Variants in CHAF1B observed in about 807,000 individuals in gnomAD.
CHAF1B encodes CAF-1 subunit B.
CHAF1B carries 10 observed loss-of-function variants against 60.7 expected under a neutral mutation model. That is an observed-to-expected ratio of 0.16 (90% CI 0.10 to 0.28). The LOEUF (loss-of-function observed/expected upper bound fraction) is 0.28. CHAF1B is among the 10% of genes least tolerant of loss of function. The pLI is 1.00. For missense variants in CHAF1B, 558 were observed against 708.4 expected, an observed-to-expected ratio of 0.79 and a Z score of 2.41; for synonymous variants, 261 against 266.1, an observed-to-expected ratio of 0.98 and a Z score of 0.19.
At position 36,418,772 on chromosome 21, in the gene CHAF1B, C is replaced by T. The variant is rs2086335497; in HGVS notation, c.*2406C>T. The T allele has an allele frequency of 6.6e-6, 1 of 151,704 alleles. No individual in the cohort carries two copies. Among genetic ancestry groups the T allele is most frequent in the South Asian group, 2.1e-4 (1 of 4,784 alleles). 9.4% of individuals were successfully genotyped at this position (151,704 alleles called of 1,614,324 possible). A position where few individuals can be genotyped will look rare whatever the true frequency, so the allele number is the denominator to read the frequency against. On this transcript the variant is annotated 3_prime_UTR_variant, in exon 14 of 14. Coordinates refer to ENST00000314103, the MANE Select transcript of CHAF1B (RefSeq NM_005441.3). Reference sequence around the variant, plus strand: ...GCTGAGGCACAAGAATCGCTTGAACCCGGGAGGCGGAGTTTGTAGTGAGCT... The same window carrying T: ...GCTGAGGCACAAGAATCGCTTGAACTCGGGAGGCGGAGTTTGTAGTGAGCT...
In CHAF1B at chr21:36,391,675, T is replaced by C; in HGVS notation, c.377+7T>C. Reference sequence around the variant, plus strand: ...CGGTTGTGAAGACTCTGCGGTAACTTGGGAGGGACCATGGCAGTGATCTCT... The same window carrying C: ...CGGTTGTGAAGACTCTGCGGTAACTCGGGAGGGACCATGGCAGTGATCTCT... On this transcript the variant is annotated splice_region_variant and intron_variant, in intron 4 of 13. Transcript: ENST00000314103. 6.4e-7 allele frequency: 1 copy of C among 1,550,786 alleles called. No homozygotes were observed. The highest frequency in any genetic ancestry group is 8.9e-7 in the Non-Finnish European group (1 of 1,122,944).
chr21:36,389,800 T>TGTGTGTGCGCGCGC, intron 3 of CHAF1B, among the ~76,000 whole-genome samples: 1,563 of 124,722 alleles, frequency 0.013, 23 homozygotes, highest in African/African-American at 0.024. Context: ...TGTGTGTGTG[T>TGTGTGTGCGCGCGC]GCGCGCGCAC....
intron 3 of CHAF1B, chr21:36,389,208 T>C (rs1054053986): frequency 6.6e-6 from 1 of 152,516 alleles, no homozygotes; most frequent in African/African-American, 2.4e-5. Flanking sequence ...ATACCGGGAG[T>C]GTCATTAATG....
chr21:36,394,756 G>A (rs2086123811), intron 5 of CHAF1B, 106 bp downstream of exon 5: 3 of 676,454 alleles, frequency 4.4e-6, no homozygotes, highest in Non-Finnish European at 7.2e-6. Context: ...TTTTGAGACA[G>A]GATCTCACTC....
intron 3 of CHAF1B, among the ~76,000 whole-genome samples, chr21:36,388,468 GTT>G (rs1168454008): frequency 0.096 from 12,093 of 125,854 alleles, 784 homozygotes; most frequent in African/African-American, 0.25. Context: ...GGCTTTGGGA[GTT>G]TTTTTTTTTT....
intron 8 of CHAF1B, among the ~76,000 whole-genome samples, chr21:36,407,848 G>C (rs2086249737): frequency 6.6e-6 from 1 of 151,976 alleles, no homozygotes; most frequent in Admixed American, 6.6e-5. Context: ...CATCGTGGCA[G>C]GTGCCTGTAA....
chr21:36,401,014 C>A (rs1008024455), intron 7 of CHAF1B, among the ~76,000 whole-genome samples: 9 of 151,994 alleles, frequency 5.9e-5, no homozygotes, highest in African/African-American at 2.2e-4. Context: ...AGCCTGTAAT[C>A]CCAGCACTTT....
In CHAF1B at chr21:36,413,291, A is replaced by G. The variant is rs1057052374; in HGVS notation, c.1469A>G (p.Gln490Arg). Residue 490 changes from glutamine (Q) to arginine (R), a missense_variant, in exon 12 of 14, where the codon CAA becomes CGA. Around this residue, in one of 2 missense-constraint regions of CHAF1B, gnomAD observed 233 missense variants for 214.9 expected, o/e 1.08. Coordinates refer to ENST00000314103, the MANE Select transcript of CHAF1B (RefSeq NM_005441.3). ...CGGAGGGTCACTCTGAACACACTGC[A>G]AGCCTGGAGCAAGACAACACCCCGG... ...PSRRVTLNTL[Q>R]AWSKTTPRRI... 3.1e-6 allele frequency: 5 copies of G among 1,594,384 alleles called. No homozygotes were observed. Among genetic ancestry groups the G allele is most frequent in the African/African-American group, 2.7e-5 (2 of 73,918 alleles).
Position 36,389,800 on chromosome 21 carries a change from T to TGTGTGTGTGTGTGCGC in CHAF1B, c.260-1750_260-1749insTGTGTGTGTGTGCGCG. Among the ~76,000 whole-genome samples the TGTGTGTGTGTGTGCGC allele has an allele frequency of 9.0e-4, 112 of 124,794 alleles. 1 individual carries two copies. The highest frequency in any genetic ancestry group is 3.7e-3 in the African/African-American group (104 of 28,442). The allele number at this position is 124,794 out of a possible 152,430, so 81.9% of individuals were successfully genotyped here. ...GTGTGTGTGTGTGTGTGTGTGTGTG[T>TGTGTGTGTGTGTGCGC]GCGCGCGCACGCTGATTTGTAGAGG... On this transcript the variant is annotated intron_variant, in intron 3 of 13. Transcript: ENST00000314103.
chr21:36,386,402 C>G (rs949967356), intron 2 of CHAF1B, 140 bp downstream of exon 2: 1 of 1,067,196 alleles, frequency 9.4e-7, no homozygotes, highest in African/African-American at 1.6e-5. Context: ...GTGAGAGGAT[C>G]GCTTGAGTCC....
chr21:36,408,954 A>G, intron 9 of CHAF1B, 124 bp downstream of exon 9: 1 of 633,038 alleles, frequency 1.6e-6, no homozygotes, highest in African/African-American at 1.8e-5. Context: ...TCCCGGGTTC[A>G]AGTGATTCTC....
chr21:36,399,377 T>C, intron 6 of CHAF1B, 144 bp from the exon 7 acceptor site: 1 of 674,456 alleles, frequency 1.5e-6, no homozygotes, highest in East Asian at 2.6e-5. Flanking sequence ...TCCTTCTTAA[T>C]TACCCAGTTG....
chr21:36,412,702 C>T (rs2146377002), intron 11 of CHAF1B, 182 bp from the exon 12 acceptor site: 2 of 623,968 alleles, frequency 3.2e-6, no homozygotes, highest in Non-Finnish European at 5.5e-6. Context: ...TAGGTTGCAG[C>T]GACTTAGCAA....
chr21:36,415,418 AATGAAAGGTAGAGT>A, intron 13 of CHAF1B, 29 bp downstream of exon 13: 1 of 1,335,568 alleles, frequency 7.5e-7, no homozygotes, highest in East Asian at 2.3e-5. Context: ...GGTTTAATAT[AATGAAAGGTAGAGT>A]ATCTTTTCTT....
intron 3 of CHAF1B, among the ~76,000 whole-genome samples, chr21:36,389,800 T>TGTGTGTGTGTGTGTGTGTGTGCGCGCGC: frequency 1.6e-5 from 2 of 124,746 alleles, no homozygotes; most frequent in African/African-American, 7.0e-5. Flanking sequence ...TGTGTGTGTG[T>TGTGTGTGTGTGTGTGTGTGTGCGCGCGC]GCGCGCGCAC....
chr21:36,391,011 C>T (rs930117623), intron 3 of CHAF1B, among the ~76,000 whole-genome samples: 7 of 152,194 alleles, frequency 4.6e-5, no homozygotes, highest in African/African-American at 1.7e-4. Flanking sequence ...AAGTGACTTG[C>T]TGAAGGTTTC....
intron 3 of CHAF1B, among the ~76,000 whole-genome samples, chr21:36,389,987 T>C (rs138923185): frequency 6.6e-6 from 1 of 152,218 alleles, no homozygotes; most frequent in Non-Finnish European, 1.5e-5. Flanking sequence ...GCCAATGGCA[T>C]GTTAACCAAG....
At chr21:36,387,802 A>G in intron 3 of CHAF1B, 72 bp downstream of exon 3, 5 of 1,433,012 alleles carry the variant, frequency 3.5e-6, no homozygotes, top group Non-Finnish European at 4.8e-6. Flanking sequence ...TCAGATAGTG[A>G]GATTTGAGCT....
intron 10 of CHAF1B, among the ~76,000 whole-genome samples, chr21:36,410,505 GTC>G (rs983057558): frequency 6.6e-6 from 1 of 151,890 alleles, no homozygotes; most frequent in Non-Finnish European, 1.5e-5. Context: ...GATTTTGGAA[GTC>G]TCTATAGCTG....
Sources: gnomAD v4.1 joint callset for allele counts (sites outside exome capture counted in the v4.1 genomes callset) on GRCh38, gnomAD v4.1.1 for gene constraint, gnomAD v4.1.1 regional missense constraint, MANE v1.5 for transcripts, NCBI Gene and HGNC (gene_info 2026-07-23, HGNC 2026-07-21) for gene names.